SP100: variants seen among roughly 807,000 people sequenced by gnomAD.
SP100 encodes the protein SP100 nuclear body protein, also known as nuclear autoantigen Sp-100.
A neutral mutation model predicts 130.0 loss-of-function variants in SP100; 84 were observed. The observed-to-expected ratio is 0.65, with a 90% CI of 0.54 to 0.77. The LOEUF (loss-of-function observed/expected upper bound fraction) is 0.77, where lower values mean the gene tolerates loss of function less well. Among genes scored for constraint, SP100 ranks in the 30% least tolerant of loss-of-function variants. The probability of loss-of-function intolerance (pLI) is 0.00; values close to 1 mark genes in which losing one functional copy is unlikely to be tolerated. For synonymous variants in SP100, 331 were observed against 351.7 expected (o/e 0.94, Z 0.66); for missense variants, 978 against 1,052.2 (o/e 0.93, Z 0.97).
intron 24 of SP100, among the ~76,000 whole-genome samples, chr2:230,513,803 G>C (rs924040664): frequency 6.6e-6 from 1 of 152,240 alleles, no homozygotes; most frequent in Non-Finnish European, 1.5e-5. Flanking sequence ...TGCAAATCAT[G>C]AGTGACTTAA....
chr2:230,541,855 T>C (rs767951980), intron 27 of SP100, 37 bp from the exon 28 acceptor site: 1 of 1,604,458 alleles, frequency 6.2e-7, no homozygotes, highest in East Asian at 2.2e-5. Flanking sequence ...TCTATGGCAC[T>C]GGGCTGATAG....
intron 2 of SP100, among the ~76,000 whole-genome samples, chr2:230,437,775 C>G (rs2063338336): frequency 6.6e-6 from 1 of 152,064 alleles, no homozygotes; most frequent in Non-Finnish European, 1.5e-5. Flanking sequence ...TCAGGCTGGT[C>G]TTGAACTCCT....
At chr2:230,459,562 C>T (rs1316747952) in intron 8 of SP100, among the ~76,000 whole-genome samples, 2 of 152,212 alleles carry the variant, frequency 1.3e-5, no homozygotes, top group South Asian at 2.1e-4. Context: ...ACCTGAAGAA[C>T]ATCTCTCTTT....
intron 24 of SP100, among the ~76,000 whole-genome samples, chr2:230,523,536 T>C (rs1227328368): frequency 6.6e-6 from 1 of 152,044 alleles, no homozygotes; most frequent in Non-Finnish European, 1.5e-5. Flanking sequence ...CAAAACAGTA[T>C]TCATTAATTA....
rs945588361 is a variant in SP100, at chr2:230,500,043, G to A, written c.1720+1508G>A. Among the ~76,000 whole-genome samples the A allele has an allele frequency of 2.0e-5, 3 of 152,174 alleles. No homozygotes were observed. In the South Asian group the frequency reaches 6.2e-4, roughly 32 times the overall value. On this transcript the variant is annotated intron_variant, in intron 19 of 28. Transcript: ENST00000340126. ...CTGGGCTCCTATTGTGGCATTCTTG[G>A]ATGTTGAGGCTTCTGCTAATATTCT...
At position 230,541,012 on chromosome 2, in the gene SP100, A is replaced by AACCTGAAGCCTCTTCCTTTCTGTTC; in HGVS notation, c.2331+22_2331+46dup. 1 of 1,603,604 alleles carries AACCTGAAGCCTCTTCCTTTCTGTTC rather than the reference A, an allele frequency of 6.2e-7. No individual in the cohort carries two copies. Among genetic ancestry groups the AACCTGAAGCCTCTTCCTTTCTGTTC allele is most frequent in the Non-Finnish European group, 8.5e-7 (1 of 1,172,514 alleles). On this transcript the variant is annotated intron_variant, in intron 26 of 28. Coordinates refer to ENST00000340126, the MANE Select transcript of SP100 (RefSeq NM_001080391.2). Reference sequence around the variant, plus strand: ...GGAGCAGTTGGTGAGTAAAAATGTGAACCTGAAGCCTCTTCCTTTCTGTTC... The same window carrying AACCTGAAGCCTCTTCCTTTCTGTTC: ...GGAGCAGTTGGTGAGTAAAAATGTGAACCTGAAGCCTCTTCCTTTCTGTTCACCTGAAGCCTCTTCCTTTCTGTTC...
intron 15 of SP100, chr2:230,473,119 C>A (rs370724465): frequency 2.3e-5 from 11 of 471,742 alleles, no homozygotes; most frequent in African/African-American, 2.2e-4. Context: ...TTAATTGACC[C>A]TTTATTTCAA....
intron 2 of SP100, among the ~76,000 whole-genome samples, chr2:230,421,324 C>T (rs112567220): frequency 0.031 from 4,791 of 152,170 alleles, 132 homozygotes; most frequent in Non-Finnish European, 0.05. Context: ...TTATCCATTC[C>T]CCTGATTCCA....
intron 10 of SP100, among the ~76,000 whole-genome samples, chr2:230,463,091 T>C (rs937780687): frequency 1.3e-5 from 2 of 152,222 alleles, no homozygotes; most frequent in Admixed American, 6.5e-5. Flanking sequence ...CAAATTGTCT[T>C]ATTTTTAAAT....
chr2:230,528,346 GA>G (rs1422194549), intron 24 of SP100, among the ~76,000 whole-genome samples: 1 of 152,194 alleles, frequency 6.6e-6, no homozygotes, highest in African/African-American at 2.4e-5. Context: ...ATAACGAAAT[GA>G]AGGCAGAAAT....
At chr2:230,472,660 A>G (rs2065334050) in intron 15 of SP100, among the ~76,000 whole-genome samples, 1 of 152,132 alleles carries the variant, frequency 6.6e-6, no homozygotes, top group Non-Finnish European at 1.5e-5. Context: ...GATGAGAGAA[A>G]AATGGAGGCA....
At chr2:230,483,600 G>A (rs2065931695) in intron 17 of SP100, among the ~76,000 whole-genome samples, 1 of 152,180 alleles carries the variant, frequency 6.6e-6, no homozygotes, top group Admixed American at 6.6e-5. Flanking sequence ...ATAGACTTTA[G>A]GAGGGCAAGG....
intron 24 of SP100, chr2:230,515,964 A>G: frequency 9.7e-7 from 1 of 1,032,384 alleles, no homozygotes; most frequent in Non-Finnish European, 1.2e-6. Flanking sequence ...GTTGTCTCTG[A>G]TGTAGCTTAT....
chr2:230,425,585 T>C (rs375453116), intron 2 of SP100, among the ~76,000 whole-genome samples: 3 of 152,356 alleles, frequency 2.0e-5, no homozygotes, highest in East Asian at 1.9e-4. Flanking sequence ...GCATCATCCT[T>C]GCATCCCAGG....
At chr2:230,428,806 G>A (rs895241661) in intron 2 of SP100, among the ~76,000 whole-genome samples, 1 of 152,108 alleles carries the variant, frequency 6.6e-6, no homozygotes, top group African/African-American at 2.4e-5. Context: ...ACAGCAAGGG[G>A]GAAATGCACC....
In SP100 at chr2:230,477,943, AC is replaced by A. The variant is rs202160183; in HGVS notation, c.1600+3497del. Among the ~76,000 whole-genome samples, 43 of 148,550 alleles carry A rather than the reference AC, an allele frequency of 2.9e-4. 4 individuals carry two copies. Among genetic ancestry groups the A allele is most frequent in the African/African-American group, 5.0e-4 (20 of 40,174 alleles). On this transcript the variant is annotated intron_variant, in intron 17 of 28. Transcript: ENST00000340126. ...GAACAAGACCCTGTCTCAAAACAAA[AC>A]AAACAAAAAAAAAAGCATTGAATTT... is the stretch of plus-strand genomic sequence containing the variant.
intron 2 of SP100, among the ~76,000 whole-genome samples, chr2:230,428,966 A>T (rs1279509796): frequency 1.3e-5 from 2 of 152,212 alleles, no homozygotes; most frequent in Non-Finnish European, 2.9e-5. Flanking sequence ...TTTATACCAG[A>T]ATTGAAAGTG....
chr2:230,466,216 C>T, intron 11 of SP100, 85 bp from the exon 12 acceptor site: 1 of 499,786 alleles, frequency 2.0e-6, no homozygotes, highest in Non-Finnish European at 3.7e-6. Context: ...TTGTTATTAA[C>T]CCAAGCCCAT....
intron 2 of SP100, among the ~76,000 whole-genome samples, chr2:230,424,864 T>G (rs892896799): frequency 6.6e-6 from 1 of 152,160 alleles, no homozygotes; most frequent in Non-Finnish European, 1.5e-5. Context: ...ATGTAGCCCC[T>G]ATTTGAAAAC....
Sources: allele counts gnomAD v4.1 joint callset (sites outside exome capture counted in the v4.1 genomes callset), GRCh38; gene constraint gnomAD v4.1.1; transcripts MANE v1.5; gene names NCBI Gene and HGNC (gene_info 2026-07-23, HGNC 2026-07-21).